Variants in SLC25A21 observed in about 807,000 individuals in gnomAD.
The protein encoded by SLC25A21 is mitochondrial 2-oxodicarboxylate carrier.
Under a neutral mutation model 43.8 loss-of-function variants are expected in SLC25A21, and 47 were observed. The ratio of observed to expected loss-of-function variants is 1.07; its 90% confidence interval spans 0.85 to 1.37. The LOEUF is 1.37. Ranked by LOEUF, SLC25A21 falls within the 40% of genes most tolerant of loss-of-function variation. The pLI, the probability that SLC25A21 is intolerant of heterozygous loss-of-function variation, is 0.00. For missense variants in SLC25A21, 352 were observed against 350.2 expected (o/e 1.00, Z -0.04); for synonymous variants, 131 against 121.3 (o/e 1.08, Z -0.52).
At chr14:37,113,064 T>C (rs1198080408) in intron 1 of SLC25A21, among the ~76,000 whole-genome samples, 1 of 152,120 alleles carries the variant, frequency 6.6e-6, no homozygotes, top group Non-Finnish European at 1.5e-5. Flanking sequence ...TCTAGCTCGG[T>C]CAAGTCACAC....
chr14:36,815,407 G>T (rs1236341194), intron 2 of SLC25A21, among the ~76,000 whole-genome samples: 1 of 152,064 alleles, frequency 6.6e-6, no homozygotes, highest in African/African-American at 2.4e-5. Flanking sequence ...ATTCTGGCAG[G>T]CAGGAGTCTG....
intron 6 of SLC25A21, among the ~76,000 whole-genome samples, 183 bp from the exon 7 acceptor site, chr14:36,711,665 G>T (rs1883878502): frequency 6.6e-6 from 1 of 152,170 alleles, no homozygotes; most frequent in South Asian, 2.1e-4. Context: ...AAAATTGCAT[G>T]CATAAAAACA....
intron 1 of SLC25A21, among the ~76,000 whole-genome samples, chr14:37,086,666 A>C (rs941262670): frequency 6.6e-6 from 1 of 152,156 alleles, no homozygotes. Flanking sequence ...CGATACCTCC[A>C]TTTTATTGCC....
intron 1 of SLC25A21, among the ~76,000 whole-genome samples, chr14:36,875,936 G>A (rs542967573): frequency 2.6e-5 from 4 of 152,200 alleles, no homozygotes; most frequent in Admixed American, 1.3e-4. Flanking sequence ...TATTATAGAG[G>A]TAATAACAGT....
At chr14:37,062,803 G>A (rs1475954129) in intron 1 of SLC25A21, among the ~76,000 whole-genome samples, 1 of 152,180 alleles carries the variant, frequency 6.6e-6, no homozygotes, top group Admixed American at 6.5e-5. Flanking sequence ...GTGTAATAGA[G>A]AGGCTATCTT....
intron 1 of SLC25A21, among the ~76,000 whole-genome samples, chr14:37,076,620 C>T (rs946103463): frequency 1.3e-5 from 2 of 152,286 alleles, no homozygotes; most frequent in South Asian, 2.1e-4. Flanking sequence ...TCCTAAGTAG[C>T]TGGGATTACA....
rs190102292 is a variant in SLC25A21 at position 37,117,592 on chromosome 14, C to T, written c.70+54689G>A. Among the ~76,000 whole-genome samples, 64 of 152,082 alleles carry T rather than the reference C, an allele frequency of 4.2e-4. 1 individual carries two copies. Among genetic ancestry groups the T allele is most frequent in the Admixed American group, 1.2e-3 (18 of 15,258 alleles). ...TATGACAGATCTAATATAACATATA[C>T]TAGAGTACGTTTTTCACTCTCCACA... On this transcript the variant is annotated intron_variant, in intron 1 of 9. Transcript: ENST00000331299.
intron 1 of SLC25A21, among the ~76,000 whole-genome samples, chr14:37,161,688 C>T (rs1193055357): frequency 6.6e-6 from 1 of 151,884 alleles, no homozygotes; most frequent in African/African-American, 2.4e-5. Context: ...CGGCCAGGCA[C>T]GGTGGCTCAC....
chr14:36,680,758 T>A, intron 9 of SLC25A21, 39 bp from the exon 10 acceptor site: 1 of 1,577,838 alleles, frequency 6.3e-7, no homozygotes, highest in East Asian at 2.2e-5. Flanking sequence ...GCAAATCCTC[T>A]GGAATAGCAC....
chr14:36,936,126 CA>C (rs1390537555), intron 1 of SLC25A21, among the ~76,000 whole-genome samples: 1 of 152,138 alleles, frequency 6.6e-6, no homozygotes, highest in Non-Finnish European at 1.5e-5. Flanking sequence ...GAAGGGAAAT[CA>C]ACCTAGTCAA....
At chr14:37,113,928 T>C (rs1018629021) in intron 1 of SLC25A21, among the ~76,000 whole-genome samples, 10 of 152,168 alleles carry the variant, frequency 6.6e-5, no homozygotes, top group African/African-American at 2.4e-4. Context: ...CCTGTATATT[T>C]GCTACTAAAA....
At chr14:37,169,208 C>T (rs895323787) in intron 1 of SLC25A21, among the ~76,000 whole-genome samples, 3 of 152,058 alleles carry the variant, frequency 2.0e-5, no homozygotes, top group Admixed American at 6.6e-5. Flanking sequence ...TGATGTCTTG[C>T]TTTTGCTGTC....
At chr14:36,968,074 G>A (rs866530057) in intron 1 of SLC25A21, among the ~76,000 whole-genome samples, 1 of 152,092 alleles carries the variant, frequency 6.6e-6, no homozygotes, top group African/African-American at 2.4e-5. Context: ...CACACGTAGT[G>A]GAGGTAACAG....
At chr14:36,957,824 G>A (rs763505107) in intron 1 of SLC25A21, among the ~76,000 whole-genome samples, 19 of 152,164 alleles carry the variant, frequency 1.2e-4, no homozygotes, top group Admixed American at 2.6e-4. Context: ...TGGCCAGGTC[G>A]TGAAAATAGT....
chr14:37,002,756 A>G (rs562665933), intron 1 of SLC25A21, among the ~76,000 whole-genome samples: 1 of 152,330 alleles, frequency 6.6e-6, no homozygotes, highest in African/African-American at 2.4e-5. Flanking sequence ...CCTGTGATCT[A>G]CAGCCATGTA....
At chr14:36,954,082 C>T (rs1446815910) in intron 1 of SLC25A21, among the ~76,000 whole-genome samples, 1 of 152,122 alleles carries the variant, frequency 6.6e-6, no homozygotes, top group Non-Finnish European at 1.5e-5. Flanking sequence ...TGGCCACAAC[C>T]AAACTGATCG....
chr14:36,706,058 G>A (rs1883547225), intron 7 of SLC25A21, among the ~76,000 whole-genome samples: 1 of 152,048 alleles, frequency 6.6e-6, no homozygotes, highest in Non-Finnish European at 1.5e-5. Context: ...TTTGAATCAG[G>A]CTTAGATTAC....
chr14:36,893,882 C>A (rs1022245031), intron 1 of SLC25A21, among the ~76,000 whole-genome samples: 1 of 152,134 alleles, frequency 6.6e-6, no homozygotes, highest in African/African-American at 2.4e-5. Flanking sequence ...GGGCTCTGTT[C>A]TGTTCCATTG....
intron 2 of SLC25A21, among the ~76,000 whole-genome samples, chr14:36,832,545 T>G (rs906013945): frequency 6.6e-6 from 1 of 152,150 alleles, no homozygotes; most frequent in African/African-American, 2.4e-5. Context: ...TTCCATAATA[T>G]TCCATATTAA....
Sources: allele counts gnomAD v4.1 joint callset (sites outside exome capture counted in the v4.1 genomes callset), GRCh38; gene constraint gnomAD v4.1.1; transcripts MANE v1.5; gene names NCBI Gene and HGNC (gene_info 2026-07-23, HGNC 2026-07-21).